Variants in C20orf203 observed in about 807,000 individuals in gnomAD.
C20orf203 encodes uncharacterized protein C20orf203.
A neutral mutation model predicts 15.9 loss-of-function variants in C20orf203; 16 were observed. That is an observed-to-expected ratio of 1.01 (90% CI 0.68 to 1.53). The LOEUF (loss-of-function observed/expected upper bound fraction) is 1.53. C20orf203 is among the 40% of genes most tolerant of loss of function. The pLI is 0.00. For missense variants in C20orf203, 263 were observed against 247.5 expected, an observed-to-expected ratio of 1.06 and a Z score of -0.42; for synonymous variants, 98 against 97.2, an observed-to-expected ratio of 1.01 and a Z score of -0.05.
intron 1 of C20orf203, among the ~76,000 whole-genome samples, chr20:32,655,187 T>C (rs1982725124): frequency 6.6e-6 from 1 of 152,108 alleles, no homozygotes. Context: ...TAGACATAAA[T>C]CTTCATGACC....
In C20orf203 at chr20:32,633,896, A is replaced by G. The variant is rs1982068183; in HGVS notation, c.*1674T>C. On this transcript the variant is annotated 3_prime_UTR_variant, in exon 6 of 6. Transcript: ENST00000608990. ...TTGGGGCCCCTGCTCTGAACCTTCC[A>G]CCCCGTCCGCCTGGACTGGATGCTT... is the stretch of plus-strand genomic sequence containing the variant. The G allele has an allele frequency of 2.5e-6, 1 of 395,996 alleles. No homozygotes were observed. The highest frequency in any genetic ancestry group is 4.4e-6 in the Non-Finnish European group (1 of 225,458). The allele number at this position is 395,996 out of a possible 1,614,324, so 24.5% of individuals were successfully genotyped here. A position where few individuals can be genotyped will look rare whatever the true frequency, so the allele number is the denominator to read the frequency against.
intron 4 of C20orf203, among the ~76,000 whole-genome samples, chr20:32,646,211 G>A (rs144481686): frequency 0.018 from 2,224 of 126,750 alleles, 36 homozygotes; most frequent in South Asian, 0.054. Flanking sequence ...ACAAAGTCTC[G>A]CTCGATCTTT....
rs1201669929 is a variant in C20orf203 at position 32,650,447 on chromosome 20, C to G, written c.570G>C (p.Arg190=). ...CTGGGCTCGGCTAATTAAACAGCGACCGTGATGAATTGGAGAGAAACTGCT... is the reference window on the plus strand; with the variant it reads ...CTGGGCTCGGCTAATTAAACAGCGAGCGTGATGAATTGGAGAGAAACTGCT... The part of the protein sequence containing the change: ...SKQQFLSNSS[R]SLFN Residue 190 remains arginine, a synonymous_variant, in exon 4 of 6, where the codon CGG becomes CGC. Transcript: ENST00000608990. 1.9e-6 allele frequency: 3 copies of G among 1,549,974 alleles called. No individual in the cohort carries two copies. The highest frequency in any genetic ancestry group is 2.6e-6 in the Non-Finnish European group (3 of 1,146,650).
intron 5 of C20orf203, among the ~76,000 whole-genome samples, chr20:32,636,019 A>G (rs1982128742): frequency 6.6e-6 from 1 of 151,770 alleles, no homozygotes; most frequent in Admixed American, 6.6e-5. Context: ...TTCTCTCTCC[A>G]TCTGGCACAG....
chr20:32,643,624 ACCACAC>A (rs1418382198), intron 4 of C20orf203, among the ~76,000 whole-genome samples: 1 of 109,786 alleles, frequency 9.1e-6, no homozygotes, highest in East Asian at 3.3e-4. Flanking sequence ...GCTTCCTGGA[ACCACAC>A]ACACACACAC....
At chr20:32,665,802 T>TA (rs200235207) in intron 1 of C20orf203, among the ~76,000 whole-genome samples, 5 of 151,602 alleles carry the variant, frequency 3.3e-5, no homozygotes, top group African/African-American at 4.8e-5. Context: ...AGTCTCTACT[T>TA]AAAAAAAAAT....
intron 1 of C20orf203, among the ~76,000 whole-genome samples, chr20:32,661,282 A>G (rs1982885941): frequency 6.6e-6 from 1 of 152,188 alleles, no homozygotes; most frequent in South Asian, 2.1e-4. Flanking sequence ...AACCAGGCTC[A>G]TCTCTGTTCT....
At chr20:32,648,594 C>G (rs1982504589) in intron 4 of C20orf203, among the ~76,000 whole-genome samples, 1 of 147,960 alleles carries the variant, frequency 6.8e-6, no homozygotes, top group African/African-American at 2.5e-5. Flanking sequence ...GCGCCTGCTG[C>G]CAAATCTGGC....
chr20:32,657,926 C>G (rs1982801531), intron 1 of C20orf203: 1 of 151,142 alleles, frequency 6.6e-6, no homozygotes, highest in African/African-American at 2.4e-5. Context: ...CGCCACTGCA[C>G]TCCAGCCTGG....
In C20orf203 at chr20:32,666,005, T is replaced by C. The variant is rs1016735344; in HGVS notation, c.-264+7627A>G. On this transcript the variant is annotated intron_variant, in intron 1 of 5. Transcript: ENST00000608990. ...GAAATTAGCCGGGTGTGCTGGCGCA[T>C]GCCTGTAGTCCCAGCTACTCAGGAG... 5.3e-5 allele frequency among the ~76,000 whole-genome samples: 8 copies of C among 151,396 alleles called. No individual in the cohort carries two copies. The South Asian group carries it at 6.3e-4, about 12-fold the overall frequency.
intron 4 of C20orf203, among the ~76,000 whole-genome samples, chr20:32,643,452 C>T (rs1263139355): frequency 6.6e-6 from 1 of 152,138 alleles, no homozygotes; most frequent in Non-Finnish European, 1.5e-5. Flanking sequence ...CCCATATTCC[C>T]CCGGATTCAT....
At chr20:32,662,099 G>C (rs556694245) in intron 1 of C20orf203, among the ~76,000 whole-genome samples, 32 of 152,342 alleles carry the variant, frequency 2.1e-4, no homozygotes, top group African/African-American at 7.0e-4. Flanking sequence ...GATCCAGCCT[G>C]GTACAGGCGA....
At chr20:32,648,929 G>T (rs897380110) in intron 4 of C20orf203, among the ~76,000 whole-genome samples, 1 of 152,084 alleles carries the variant, frequency 6.6e-6, no homozygotes, top group Non-Finnish European at 1.5e-5. Flanking sequence ...CTGATGAGCC[G>T]CAGGCTTTAC....
At chr20:32,644,785 C>G (rs1982377793) in intron 4 of C20orf203, among the ~76,000 whole-genome samples, 1 of 152,128 alleles carries the variant, frequency 6.6e-6, no homozygotes, top group Non-Finnish European at 1.5e-5. Flanking sequence ...GCTTGATCAG[C>G]TAGTCAAGGG....
chr20:32,661,755 G>A (rs959537685), intron 1 of C20orf203, among the ~76,000 whole-genome samples: 53 of 152,146 alleles, frequency 3.5e-4, no homozygotes, highest in African/African-American at 1.3e-3. Flanking sequence ...TCAGGATGCA[G>A]CCACAGATCC....
At chr20:32,638,014 TTG>T (rs149169520) in intron 5 of C20orf203, among the ~76,000 whole-genome samples, 24 of 149,450 alleles carry the variant, frequency 1.6e-4, no homozygotes, top group South Asian at 2.1e-4. Context: ...GCATGTGTGC[TTG>T]TGTGTGTGTG....
chr20:32,661,182 C>G (rs1490123474), intron 1 of C20orf203, among the ~76,000 whole-genome samples: 1 of 152,186 alleles, frequency 6.6e-6, no homozygotes, highest in Non-Finnish European at 1.5e-5. Flanking sequence ...CCGACTTAGT[C>G]ATCGGCCCAC....
chr20:32,642,448 A>G (rs922530288), intron 4 of C20orf203, among the ~76,000 whole-genome samples: 5 of 152,156 alleles, frequency 3.3e-5, no homozygotes, highest in Non-Finnish European at 7.3e-5. Flanking sequence ...AGAAGTCCAC[A>G]CCCCAGGAGG....
chr20:32,636,443 C>T (rs1365306868), intron 5 of C20orf203, among the ~76,000 whole-genome samples: 1 of 152,196 alleles, frequency 6.6e-6, no homozygotes, highest in Admixed American at 6.5e-5. Flanking sequence ...CTGCTCCCCT[C>T]TGCCTTTGGC....
Sources: allele counts gnomAD v4.1 joint callset (sites outside exome capture counted in the v4.1 genomes callset), GRCh38; gene constraint gnomAD v4.1.1; transcripts MANE v1.5; gene names NCBI Gene and HGNC (gene_info 2026-07-23, HGNC 2026-07-21).